The following CAP2 variants were observed in gnomAD, a reference collection of about 807,000 sequenced individuals.
The protein encoded by CAP2 is cyclase associated actin cytoskeleton regulatory protein 2.
CAP2 carries 24 observed loss-of-function variants against 57.7 expected under a neutral mutation model. The ratio of observed to expected loss-of-function variants is 0.42; its 90% CI spans 0.30 to 0.58. The LOEUF is 0.58. Among genes scored for constraint, CAP2 ranks in the 20% least tolerant of loss-of-function variants. The pLI is 0.22. For missense variants in CAP2, 501 were observed against 590.3 expected (o/e 0.85, Z 1.57); for synonymous variants, 194 against 207.2 (o/e 0.94, Z 0.55).
At chr6:17,413,787 C>A (rs1413958427) in intron 1 of CAP2, among the ~76,000 whole-genome samples, 3 of 152,224 alleles carry the variant, frequency 2.0e-5, no homozygotes, top group Non-Finnish European at 4.4e-5. Context: ...GACGCAGTGG[C>A]TCACGTCTGT....
intron 4 of CAP2, among the ~76,000 whole-genome samples, chr6:17,469,613 A>G (rs1472038705): frequency 1.3e-5 from 2 of 152,086 alleles, no homozygotes; most frequent in African/African-American, 4.8e-5. Flanking sequence ...AGAGACAGAG[A>G]GCGCGTTTCT....
At chr6:17,403,976 T>C (rs1436114062) in intron 1 of CAP2, among the ~76,000 whole-genome samples, 2 of 152,216 alleles carry the variant, frequency 1.3e-5, no homozygotes, top group Non-Finnish European at 2.9e-5. Context: ...TTTTACAAAA[T>C]TCTTTTAGGG....
At chr6:17,403,847 TG>T (rs369782596) in intron 1 of CAP2, among the ~76,000 whole-genome samples, 90 of 152,330 alleles carry the variant, frequency 5.9e-4, no homozygotes, top group African/African-American at 2.0e-3. Flanking sequence ...TGAATTTCAC[TG>T]GACATATAAG....
chr6:17,461,956 G>GCAC (rs1360126761), intron 3 of CAP2, among the ~76,000 whole-genome samples: 1 of 116,170 alleles, frequency 8.6e-6, no homozygotes, highest in Non-Finnish European at 1.7e-5. Flanking sequence ...TCGCACCATT[G>GCAC]CACTCCAGCC....
intron 1 of CAP2, among the ~76,000 whole-genome samples, chr6:17,403,700 A>AAAATATGT (rs1758874475): frequency 6.6e-6 from 1 of 152,194 alleles, no homozygotes; most frequent in South Asian, 2.1e-4. Flanking sequence ...GCTAAAGCAT[A>AAAATATGT]AAATATGTAA....
Position 17,555,255 on chromosome 6 carries a change from C to T in CAP2, c.1351-1104C>T, listed in dbSNP as rs536613134. Among the ~76,000 whole-genome samples, 17 of 151,990 alleles carry T rather than the reference C, an allele frequency of 1.1e-4. No homozygotes were observed. In the South Asian group the frequency reaches 1.5e-3, roughly 13 times the overall value. ...TGTTGCCCAGGCTGGAGTGCAATGG[C>T]GCAATCTCGGCTCACCACAAGCTCT... On this transcript the variant is annotated intron_variant, in intron 12 of 12. Coordinates refer to ENST00000229922, the MANE Select transcript of CAP2 (RefSeq NM_006366.3).
intron 7 of CAP2, among the ~76,000 whole-genome samples, chr6:17,527,508 A>G (rs931441537): frequency 6.6e-6 from 1 of 152,202 alleles, no homozygotes; most frequent in Non-Finnish European, 1.5e-5. Flanking sequence ...AATTATGGCC[A>G]CATATCAAGG....
chr6:17,414,271 T>TC (rs1759219003), intron 1 of CAP2, among the ~76,000 whole-genome samples: 1 of 148,988 alleles, frequency 6.7e-6, no homozygotes, highest in African/African-American at 2.6e-5. Flanking sequence ...CTTTTTTTTT[T>TC]CTTTATTTCT....
At chr6:17,440,612 GTGGT>G (rs1429254941) in intron 3 of CAP2, among the ~76,000 whole-genome samples, 934 of 72,802 alleles carry the variant, frequency 0.013, 38 homozygotes, top group African/African-American at 0.048. Context: ...CAAACTGTGT[GTGGT>G]GTGTGTGTGT....
chr6:17,534,344 A>G (rs931744637), intron 7 of CAP2, among the ~76,000 whole-genome samples: 1 of 152,194 alleles, frequency 6.6e-6, no homozygotes, highest in Non-Finnish European at 1.5e-5. Flanking sequence ...ATCCAACCAT[A>G]TAGCTTGTGT....
Position 17,553,551 on chromosome 6 carries a change from TGAACCTGG to T in CAP2, c.1350+1950_1350+1957del, listed in dbSNP as rs1471009234. On this transcript the variant is annotated intron_variant, in intron 12 of 12. Transcript: ENST00000229922. The stretch of plus-strand genomic sequence containing the variant: ...AGGAGGCTGAAGAAGGAGAGTCACT[TGAACCTGG>T]GAGGCAGAGGTTGCAGTGAGCTGAG... 2.0e-5 allele frequency among the ~76,000 whole-genome samples: 3 copies of T among 151,050 alleles called. No individual in the cohort carries two copies. In the East Asian group the frequency reaches 5.9e-4, roughly 30 times the overall value.
chr6:17,418,534 T>C (rs2113527798), intron 1 of CAP2, among the ~76,000 whole-genome samples: 1 of 152,324 alleles, frequency 6.6e-6, no homozygotes, highest in East Asian at 1.9e-4. Context: ...TCAGGGAGTC[T>C]GATTAAGCCA....
intron 7 of CAP2, among the ~76,000 whole-genome samples, chr6:17,526,120 C>CTTTTTTT (rs1372740605): frequency 7.0e-6 from 1 of 142,318 alleles, no homozygotes; most frequent in Non-Finnish European, 1.5e-5. Context: ...GAAAATGTGT[C>CTTTTTTT]TTTTTTTTTT....
intron 4 of CAP2, among the ~76,000 whole-genome samples, chr6:17,496,966 A>G (rs960307514): frequency 2.2e-4 from 34 of 152,202 alleles, no homozygotes; most frequent in Admixed American, 1.9e-3. Context: ...GGGAACTTCA[A>G]ATGGTGGATT....
At chr6:17,409,048 T>A (rs1009279338) in intron 1 of CAP2, among the ~76,000 whole-genome samples, 1 of 151,396 alleles carries the variant, frequency 6.6e-6, no homozygotes, top group African/African-American at 2.4e-5. Flanking sequence ...GATTTTGCAG[T>A]GTGCTTGTTC....
chr6:17,503,602 C>A (rs956297617), intron 4 of CAP2, among the ~76,000 whole-genome samples: 3 of 122,642 alleles, frequency 2.4e-5, no homozygotes, highest in African/African-American at 9.9e-5. Flanking sequence ...AAAACTCTAT[C>A]TCAAAAAAAA....
At position 17,529,465 on chromosome 6, in the gene CAP2, C is replaced by A. The variant is rs575736185; in HGVS notation, c.637-9804C>A. ...GACCATCCTGGCTAACATGGTAAAA[C>A]CCCATCTCTACTAAAAATACAAAAA... On this transcript the variant is annotated intron_variant, in intron 7 of 12. Transcript: ENST00000229922. Among the ~76,000 whole-genome samples the A allele has an allele frequency of 1.8e-4, 28 of 151,972 alleles. No individual in the cohort carries two copies. The East Asian group carries it at 5.2e-3, about 28-fold the overall frequency.
At chr6:17,421,450 C>T (rs1759443865) in intron 1 of CAP2, 105 bp from the exon 2 acceptor site, 2 of 1,083,168 alleles carry the variant, frequency 1.8e-6, no homozygotes, top group Middle Eastern at 2.1e-4. Context: ...AAAGCCATCC[C>T]CAGTGATTGT....
chr6:17,455,585 G>C (rs796795688), intron 3 of CAP2, among the ~76,000 whole-genome samples: 16 of 151,606 alleles, frequency 1.1e-4, no homozygotes, highest in African/African-American at 3.6e-4. Flanking sequence ...GCCCAGGCTG[G>C]AGTGCAGTGG....
Sources: allele counts gnomAD v4.1 joint callset (sites outside exome capture counted in the v4.1 genomes callset), GRCh38; gene constraint gnomAD v4.1.1; transcripts MANE v1.5; gene names NCBI Gene and HGNC (gene_info 2026-07-23, HGNC 2026-07-21).